Variants in NRG1 observed in about 807,000 individuals in gnomAD.
NRG1 encodes the protein pro-neuregulin-1, membrane-bound isoform.
Under a neutral mutation model 63.8 loss-of-function variants are expected in NRG1, and 18 were observed. That is an observed-to-expected ratio of 0.28 (90% CI 0.19 to 0.42). The LOEUF (loss-of-function observed/expected upper bound fraction) is 0.42. Among genes scored for constraint, NRG1 ranks in the 10% least tolerant of loss-of-function variants. The pLI, the probability that NRG1 is intolerant of heterozygous loss-of-function variation, is 1.00. For synonymous variants in NRG1, 302 were observed against 301.3 expected (o/e 1.00, Z -0.02); for missense variants, 762 against 814.7 (o/e 0.94, Z 0.79).
At chr8:32,420,433 C>T (rs918888804) in intron 1 of NRG1, among the ~76,000 whole-genome samples, 2 of 152,140 alleles carry the variant, frequency 1.3e-5, no homozygotes, top group Non-Finnish European at 2.9e-5. Flanking sequence ...GTTTGAGGCA[C>T]CTCAAGCTCT....
At chr8:31,837,335 G>T (rs1459580842) in intron 1 of NRG1, among the ~76,000 whole-genome samples, 2 of 151,920 alleles carry the variant, frequency 1.3e-5, no homozygotes, top group Admixed American at 1.3e-4. Context: ...CATTCTGAGA[G>T]TATAAAATAG....
At chr8:32,617,136 T>C (rs940470322) in intron 5 of NRG1, among the ~76,000 whole-genome samples, 1 of 152,132 alleles carries the variant, frequency 6.6e-6, no homozygotes, top group Admixed American at 6.6e-5. Flanking sequence ...GGTAATCTGG[T>C]GGCTTTGAAT....
At chr8:32,427,750 C>T (rs900262569) in intron 1 of NRG1, among the ~76,000 whole-genome samples, 3 of 152,032 alleles carry the variant, frequency 2.0e-5, no homozygotes, top group South Asian at 2.1e-4. Context: ...CTAACGTGTG[C>T]GACAGGATAA....
chr8:32,712,592 C>T (rs1818105252), intron 5 of NRG1, among the ~76,000 whole-genome samples: 1 of 152,090 alleles, frequency 6.6e-6, no homozygotes, highest in Admixed American at 6.5e-5. Context: ...CCATGTTAAC[C>T]TCGTTAAAAT....
At chr8:32,179,447 C>CT (rs1841194443) in intron 1 of NRG1, among the ~76,000 whole-genome samples, 1 of 152,150 alleles carries the variant, frequency 6.6e-6, no homozygotes, top group Non-Finnish European at 1.5e-5. Flanking sequence ...GGATTTTCGT[C>CT]TATTTATTTG....
intron 1 of NRG1, among the ~76,000 whole-genome samples, chr8:31,857,275 G>A (rs1297714311): frequency 1.3e-5 from 2 of 152,268 alleles, no homozygotes; most frequent in African/African-American, 4.8e-5. Context: ...CTCCGTGGGT[G>A]TAGGACCCTC....
chr8:32,513,494 A>G (rs146510643), intron 1 of NRG1, among the ~76,000 whole-genome samples: 2 of 151,938 alleles, frequency 1.3e-5, no homozygotes, highest in African/African-American at 2.4e-5. Context: ...AAACATATCC[A>G]TTATAGATAT....
intron 1 of NRG1, among the ~76,000 whole-genome samples, chr8:31,804,677 A>G (rs1586537858): frequency 6.6e-6 from 1 of 152,148 alleles, no homozygotes; most frequent in African/African-American, 2.4e-5. Context: ...GCTGTTTTGA[A>G]GCTGACTTTT....
At chr8:32,219,618 C>T (rs1845603249) in intron 1 of NRG1, among the ~76,000 whole-genome samples, 1 of 152,178 alleles carries the variant, frequency 6.6e-6, no homozygotes, top group Non-Finnish European at 1.5e-5. Context: ...GATGCTGAAA[C>T]ACTGGCAAAT....
chr8:32,244,943 G>A (rs1300010846), intron 1 of NRG1, among the ~76,000 whole-genome samples: 1 of 152,142 alleles, frequency 6.6e-6, no homozygotes, highest in Non-Finnish European at 1.5e-5. Flanking sequence ...ATTCCAAAAG[G>A]TGGGTGGGGA....
intron 1 of NRG1, among the ~76,000 whole-genome samples, chr8:31,952,234 G>T (rs1042781557): frequency 6.6e-6 from 1 of 152,192 alleles, no homozygotes; most frequent in Non-Finnish European, 1.5e-5. Context: ...TATCATGACT[G>T]GAACTTTTCT....
At chr8:32,164,247 G>GAC in intron 1 of NRG1, among the ~76,000 whole-genome samples, 1 of 149,622 alleles carries the variant, frequency 6.7e-6, no homozygotes, top group African/African-American at 2.4e-5. Flanking sequence ...CCATCTGAAA[G>GAC]AAAAAAAAAA....
At chr8:32,759,792 A>T (rs895643587) in intron 10 of NRG1, among the ~76,000 whole-genome samples, 1 of 152,172 alleles carries the variant, frequency 6.6e-6, no homozygotes, top group African/African-American at 2.4e-5. Context: ...TAAATAGTGG[A>T]ACCCTAAATT....
intron 1 of NRG1, chr8:32,287,653 A>G (rs1053318844): frequency 2.6e-5 from 4 of 152,238 alleles, no homozygotes; most frequent in African/African-American, 7.2e-5. Flanking sequence ...GGTTCTATGC[A>G]TGTGTTCACA....
intron 1 of NRG1, among the ~76,000 whole-genome samples, chr8:32,100,461 G>A (rs1417274640): frequency 1.3e-5 from 2 of 152,092 alleles, no homozygotes; most frequent in Admixed American, 6.6e-5. Flanking sequence ...CTTAGTAATT[G>A]GCAGAGCAAG....
intron 5 of NRG1, among the ~76,000 whole-genome samples, chr8:32,691,990 A>T (rs1009444350): frequency 6.6e-6 from 1 of 152,194 alleles, no homozygotes; most frequent in Non-Finnish European, 1.5e-5. Flanking sequence ...AACATCCACC[A>T]TATATATAAG....
intron 1 of NRG1, among the ~76,000 whole-genome samples, chr8:32,493,803 C>T (rs895032052): frequency 1.3e-5 from 2 of 152,026 alleles, no homozygotes; most frequent in Non-Finnish European, 2.9e-5. Context: ...AATGAGTTCC[C>T]CCTGTTGGAG....
Position 31,640,480 on chromosome 8 carries a change from C to T in NRG1, c.37+1049C>T, listed in dbSNP as rs1803641664. On this transcript the variant is annotated intron_variant, in intron 1 of 10. Coordinates refer to the NRG1 transcript ENST00000519301. The surrounding 1 kb of genome is among the most constrained non-coding windows in gnomAD (Gnocchi z 6.3). ...GGCGCCCTATCTGGTGAAGGTGCAC[C>T]AGGTGTGGGCGGTGAAAGCCGGGGG... is the stretch of plus-strand genomic sequence containing the variant. 1.2e-6 allele frequency: 2 copies of T among 1,604,596 alleles called. No individual in the cohort carries two copies. Among genetic ancestry groups the T allele is most frequent in the Non-Finnish European group, 1.7e-6 (2 of 1,176,664 alleles).
chr8:31,962,013 G>C (rs1805545251), intron 1 of NRG1, among the ~76,000 whole-genome samples: 1 of 152,120 alleles, frequency 6.6e-6, no homozygotes, highest in African/African-American at 2.4e-5. Flanking sequence ...AACTTTGGCA[G>C]ATCTTTTTTG....
Sources: gnomAD v4.1 joint callset for allele counts (sites outside exome capture counted in the v4.1 genomes callset) on GRCh38, gnomAD v4.1.1 for gene constraint, Gnocchi (gnomAD v3.1) non-coding constraint, MANE v1.5 for transcripts, NCBI Gene and HGNC (gene_info 2026-07-23, HGNC 2026-07-21) for gene names.